Variants in RTN2 observed in about 807,000 individuals in gnomAD.
The protein encoded by RTN2 is reticulon 2.
In RTN2, 36 loss-of-function variants were observed where a neutral mutation model predicts 63.7. The observed-to-expected ratio is 0.56, with a 90% CI of 0.43 to 0.75. RTN2 has a LOEUF of 0.75. Ranked by LOEUF, RTN2 falls within the 30% of genes least tolerant of loss-of-function variation. RTN2 has a pLI of 0.00. For missense variants in RTN2, 673 were observed against 705.1 expected (o/e 0.95, Z 0.52); for synonymous variants, 312 against 313.0 (o/e 1.00, Z 0.03).
rs571318620 is a variant in RTN2, at chr19:45,491,012, G to C, written c.1034-1459C>G. ...AGCGATTCTCCTGCCTCAGCCTCCC[G>C]AGTAGCTGGGATTACAGGCATGTGC... is the stretch of plus-strand genomic sequence containing the variant. On this transcript the variant is annotated intron_variant, in intron 5 of 10. Coordinates refer to ENST00000245923, the MANE Select transcript of RTN2 (RefSeq NM_005619.5). 2.0e-5 allele frequency among the ~76,000 whole-genome samples: 3 copies of C among 151,040 alleles called. No homozygotes were observed. In the East Asian group the frequency reaches 5.9e-4, roughly 30 times the overall value.
chr19:45,494,409 G>T lies in RTN2; in HGVS notation c.571C>A (p.Arg191=). 1 of 1,612,902 alleles carries T rather than the reference G, an allele frequency of 6.2e-7. No individual in the cohort carries two copies. Among genetic ancestry groups the T allele is most frequent in the Non-Finnish European group, 8.5e-7 (1 of 1,178,988 alleles). Residue 191 remains arginine, a synonymous_variant, in exon 4 of 11, where the codon CGA becomes AGA. Transcript: ENST00000245923. This position sits in a 1 kb window ranked among gnomAD's most constrained non-coding sequence, Gnocchi z 5.3. The part of the protein sequence containing the change: ...TGEAGEELDL[R]LRLAQPSSPE... ...GATGAGGGCTGAGCAAGTCGGAGTC[G>T]TAGGTCCAGTTCTGATACGGTAGAG...
intron 5 of RTN2, 48 bp downstream of exon 5, chr19:45,493,112 C>T (rs750272853): frequency 6.4e-7 from 1 of 1,554,366 alleles, no homozygotes; most frequent in Admixed American, 1.7e-5. Context: ...GAGTTTGGAC[C>T]CCGTTCCGCC....
At chr19:45,487,942 CAAAA>C (rs1310199487) in intron 9 of RTN2, among the ~76,000 whole-genome samples, 3 of 67,348 alleles carry the variant, frequency 4.5e-5, no homozygotes, top group Non-Finnish European at 8.4e-5. Flanking sequence ...GACTCCATCT[CAAAA>C]AAAAAAAAAA....
intron 1 of RTN2, 31 bp downstream of exon 1, chr19:45,496,761 C>T: frequency 6.8e-7 from 1 of 1,466,440 alleles, no homozygotes. Flanking sequence ...CCTCTGGGGC[C>T]CACACCAGGC....
Position 45,496,881 on chromosome 19 carries a change from G to T in RTN2, c.-56C>A. ...GCCCACTCCGGCTGTGCCGCCCTGGGCCCGGGGTCGCGGGCGCTCATCTCC... is the reference window on the plus strand; with the variant it reads ...GCCCACTCCGGCTGTGCCGCCCTGGTCCCGGGGTCGCGGGCGCTCATCTCC... On this transcript the variant is annotated 5_prime_UTR_variant, in exon 1 of 11. Transcript: ENST00000245923. The T allele has an allele frequency of 8.3e-7, 1 of 1,209,022 alleles. No individual in the cohort carries two copies. The highest frequency in any genetic ancestry group is 3.0e-5 in the East Asian group (1 of 32,820). The allele number at this position is 1,209,022 out of a possible 1,614,324, so 74.9% of individuals were successfully genotyped here. A position where few individuals can be genotyped will look rare whatever the true frequency, so the allele number is the denominator to read the frequency against.
intron 5 of RTN2, among the ~76,000 whole-genome samples, chr19:45,491,864 A>C (rs531293662): frequency 2.0e-5 from 3 of 151,748 alleles, no homozygotes; most frequent in Non-Finnish European, 4.4e-5. Context: ...CCTGGCTTCA[A>C]GTGATCCTCC....
intron 4 of RTN2, 29 bp from the exon 5 acceptor site, chr19:45,493,407 G>T: frequency 1.3e-6 from 2 of 1,549,078 alleles, no homozygotes; most frequent in Non-Finnish European, 1.8e-6. Flanking sequence ...TTAAAGTAAG[G>T]CTGGGTCATT....
At chr19:45,489,026 C>CAGGGG (rs780863610) in intron 6 of RTN2, 40 bp from the exon 7 acceptor site, 1 of 1,600,182 alleles carries the variant, frequency 6.2e-7, no homozygotes, top group South Asian at 1.1e-5. Flanking sequence ...CAGTGGGTGA[C>CAGGGG]CAGCTCAGAC....
chr19:45,491,938 T>A (rs1201244271), intron 5 of RTN2, among the ~76,000 whole-genome samples: 1 of 152,132 alleles, frequency 6.6e-6, no homozygotes, highest in Admixed American at 6.6e-5. Context: ...CATATATATT[T>A]TTTTAATGTC....
intron 5 of RTN2, among the ~76,000 whole-genome samples, chr19:45,491,110 G>A (rs2122217609): frequency 6.6e-6 from 1 of 151,424 alleles, no homozygotes; most frequent in African/African-American, 2.4e-5. Flanking sequence ...GGATGGTCTT[G>A]ATCTCCTGAC....
chr19:45,490,207 G>A (rs902510665), intron 5 of RTN2, among the ~76,000 whole-genome samples: 14 of 151,796 alleles, frequency 9.2e-5, no homozygotes, highest in African/African-American at 3.4e-4. Context: ...TCACCATGTT[G>A]GTCAGGCTGG....
At chr19:45,489,098 A>T in intron 6 of RTN2, 112 bp from the exon 7 acceptor site, 2 of 1,231,202 alleles carry the variant, frequency 1.6e-6, no homozygotes, top group Non-Finnish European at 2.3e-6. Flanking sequence ...CAGAGTTAGG[A>T]CTGAGGGGCA....
Position 45,494,104 on chromosome 19 carries a change from C to A in RTN2, c.814+62G>T. 6.3e-7 allele frequency: 1 copy of A among 1,575,446 alleles called. No homozygotes were observed. The highest frequency in any genetic ancestry group is 1.1e-5 in the South Asian group (1 of 87,970). On this transcript the variant is annotated intron_variant, in intron 4 of 10. Transcript: ENST00000245923. This position sits in a 1 kb window ranked among gnomAD's most constrained non-coding sequence, Gnocchi z 5.3. The stretch of plus-strand genomic sequence containing the variant: ...CTTTGCGAGGTTGGTCCCTTTAATT[C>A]AAAATCCTCTCACCTTTTGCCTTCT...
chr19:45,486,626 C>T (rs893112340), intron 9 of RTN2, among the ~76,000 whole-genome samples: 4 of 152,002 alleles, frequency 2.6e-5, no homozygotes, highest in Non-Finnish European at 5.9e-5. Context: ...ATTCTCCTGC[C>T]TCAGCCTCCC....
chr19:45,488,556 G>A (rs774409183), intron 8 of RTN2, 39 bp from the exon 9 acceptor site: 28 of 1,613,578 alleles, frequency 1.7e-5, no homozygotes, highest in Non-Finnish European at 2.2e-5. Context: ...GTGTTCCCAA[G>A]AGATGAACAG....
At chr19:45,486,323 G>GT (rs1968020127) in intron 9 of RTN2, among the ~76,000 whole-genome samples, 2 of 152,168 alleles carry the variant, frequency 1.3e-5, no homozygotes, top group African/African-American at 4.8e-5. Context: ...TGTATGGAGA[G>GT]TGATGTCAGG....
At chr19:45,486,406 C>A (rs193297566) in intron 9 of RTN2, among the ~76,000 whole-genome samples, 1 of 152,280 alleles carries the variant, frequency 6.6e-6, no homozygotes, top group African/African-American at 2.4e-5. Context: ...AGTTTGCATA[C>A]GTGTGTGTTG....
chr19:45,496,690 C>A, intron 1 of RTN2, 102 bp downstream of exon 1: 1 of 739,016 alleles, frequency 1.4e-6, no homozygotes, highest in South Asian at 3.2e-5. Context: ...TGCCTCCTCC[C>A]CCCATCCCGG....
At chr19:45,493,736 A>ATTATT (rs1156340268) in intron 4 of RTN2, 38 of 271,456 alleles carry the variant, frequency 1.4e-4, no homozygotes, top group Middle Eastern at 2.4e-3. Flanking sequence ...AAGAGGGAGG[A>ATTATT]TTATTTTATT....
Sources: gnomAD v4.1 joint callset for allele counts (sites outside exome capture counted in the v4.1 genomes callset) on GRCh38, gnomAD v4.1.1 for gene constraint, Gnocchi (gnomAD v3.1) non-coding constraint, MANE v1.5 for transcripts, NCBI Gene and HGNC (gene_info 2026-07-23, HGNC 2026-07-21) for gene names.